NBEAL1: variants seen among roughly 807,000 people sequenced by gnomAD.
NBEAL1 encodes neurobeachin-like protein 1.
In NBEAL1, 273 loss-of-function variants were observed where a neutral mutation model predicts 351.3. The ratio of observed to expected loss-of-function variants is 0.78; its 90% CI spans 0.70 to 0.86. The LOEUF (loss-of-function observed/expected upper bound fraction) is 0.86, where lower values mean the gene tolerates loss of function less well. NBEAL1 is among the 40% of genes least tolerant of loss of function. The pLI is 0.00. For synonymous variants in NBEAL1, 1,050 were observed against 1,086.4 expected (o/e 0.97, Z 0.66); for missense variants, 2,961 against 3,201.3 (o/e 0.92, Z 1.81).
intron 51 of NBEAL1, among the ~76,000 whole-genome samples, chr2:203,206,680 C>T (rs573954931): frequency 1.6e-4 from 25 of 152,066 alleles, no homozygotes; most frequent in African/African-American, 5.1e-4. Context: ...CTCGGCCTCC[C>T]GAGGTGCCGG....
chr2:203,175,163 G>GT lies in NBEAL1; in HGVS notation c.6340_6341insT (p.Asp2114ValfsTer7). The GT allele has an allele frequency of 6.2e-7, 1 of 1,607,944 alleles. No individual in the cohort carries two copies. Among genetic ancestry groups the GT allele is most frequent in the Non-Finnish European group, 8.5e-7 (1 of 1,177,772 alleles). ...TCCCCACAGATATGAAAATTTTGAG[G>GT]ATCCTATGGGAACTATTGATAAGTT... On this transcript the variant is annotated frameshift_variant, in exon 42 of 56. Transcript: ENST00000683969. LOFTEE classifies it high-confidence loss of function.
chr2:203,177,885 C>G (rs202141135), intron 42 of NBEAL1, among the ~76,000 whole-genome samples: 1 of 151,510 alleles, frequency 6.6e-6, no homozygotes, highest in Non-Finnish European at 1.5e-5. Context: ...TGGGCGTGGT[C>G]GTGGGTGCCT....
chr2:203,016,326 C>T lies in NBEAL1; in HGVS notation c.-59C>T. 4 of 1,199,320 alleles carry T rather than the reference C, an allele frequency of 3.3e-6. No homozygotes were observed. The highest frequency in any genetic ancestry group is 4.6e-6 in the Non-Finnish European group (4 of 863,352). The allele number at this position is 1,199,320 out of a possible 1,614,324, so 74.3% of individuals were successfully genotyped here. ...AAACTTGGAAAATAAAATGGACATG[C>T]TGTAGTCTTGAACATAATTTTTTTA... On this transcript the variant is annotated 5_prime_UTR_variant, in exon 2 of 56. Coordinates refer to ENST00000683969, the MANE Select transcript of NBEAL1 (RefSeq NM_001378026.1).
chr2:203,160,360 C>T (rs376938732), intron 36 of NBEAL1, among the ~76,000 whole-genome samples: 12 of 152,268 alleles, frequency 7.9e-5, no homozygotes, highest in African/African-American at 2.6e-4. Context: ...GGATTACAGG[C>T]GTGAGCCACC....
chr2:203,197,744 C>A (rs1343992938), intron 48 of NBEAL1, among the ~76,000 whole-genome samples: 1 of 151,978 alleles, frequency 6.6e-6, no homozygotes, highest in Non-Finnish European at 1.5e-5. Context: ...CCTGTCTCTA[C>A]TAAAAATACA....
In NBEAL1 at chr2:203,220,762, A is replaced by G. The variant is rs952538235; in HGVS notation, c.*3408A>G. Among the ~76,000 whole-genome samples, 4 of 152,232 alleles carry G rather than the reference A, an allele frequency of 2.6e-5. No homozygotes were observed. Among genetic ancestry groups the G allele is most frequent in the African/African-American group, 9.6e-5 (4 of 41,474 alleles). On this transcript the variant is annotated 3_prime_UTR_variant, in exon 56 of 56. Transcript: ENST00000683969. ...AATTGTAAGAGAGAAAGAAAAATAG[A>G]TCAGGGCATAAAAATCAGGAAAGTA... is the stretch of plus-strand genomic sequence containing the variant.
At chr2:203,051,263 G>T (rs2061318964) in intron 4 of NBEAL1, among the ~76,000 whole-genome samples, 1 of 152,154 alleles carries the variant, frequency 6.6e-6, no homozygotes, top group Non-Finnish European at 1.5e-5. Context: ...GAAGTATGCA[G>T]CCAGGTACAG....
chr2:203,043,740 A>T (rs2061182315), intron 3 of NBEAL1, among the ~76,000 whole-genome samples: 1 of 151,938 alleles, frequency 6.6e-6, no homozygotes, highest in Admixed American at 6.6e-5. Context: ...AAAAAAAAAA[A>T]AAAAAGTGTG....
At chr2:203,069,597 C>G (rs760359378) in intron 7 of NBEAL1, among the ~76,000 whole-genome samples, 1 of 152,100 alleles carries the variant, frequency 6.6e-6, no homozygotes, top group East Asian at 1.9e-4. Flanking sequence ...TTAGGTTGTG[C>G]GCATATTTTG....
intron 33 of NBEAL1, among the ~76,000 whole-genome samples, chr2:203,147,031 C>G (rs1420029812): frequency 6.6e-6 from 1 of 152,024 alleles, no homozygotes; most frequent in East Asian, 1.9e-4. Flanking sequence ...AATACTTAAA[C>G]CTTTACAAAA....
rs1377593699 is a variant in NBEAL1, at chr2:203,218,970, A to T, written c.*1616A>T. On this transcript the variant is annotated 3_prime_UTR_variant, in exon 56 of 56. Transcript: ENST00000683969. Reference sequence around the variant, plus strand: ...TAAAATAGAACATATTTAAATGTCAAGGTGTCTTTTCTTAAGACTTCAGGA... The same window carrying T: ...TAAAATAGAACATATTTAAATGTCATGGTGTCTTTTCTTAAGACTTCAGGA... The T allele has an allele frequency of 6.6e-6, 1 of 152,178 alleles. No individual in the cohort carries two copies. The allele number at this position is 152,178 out of a possible 1,614,324, so 9.4% of individuals were successfully genotyped here.
chr2:203,153,968 G>T (rs1057045661), intron 35 of NBEAL1, among the ~76,000 whole-genome samples: 1 of 151,656 alleles, frequency 6.6e-6, no homozygotes, highest in Admixed American at 6.6e-5. Flanking sequence ...CAAGTGAGCC[G>T]GGCGTGGTGG....
chr2:203,208,831 C>T, intron 52 of NBEAL1, 78 bp downstream of exon 52: 1 of 1,054,720 alleles, frequency 9.5e-7, no homozygotes, highest in Non-Finnish European at 1.4e-6. Context: ...AAAAGTTTTT[C>T]AGAGGAATTG....
chr2:203,203,139 G>T (rs1373996974), intron 51 of NBEAL1, among the ~76,000 whole-genome samples: 3 of 151,626 alleles, frequency 2.0e-5, no homozygotes, highest in African/African-American at 7.3e-5. Flanking sequence ...TAATAATATT[G>T]GTCCAGGAAG....
At chr2:203,024,484 C>T (rs547487957) in intron 2 of NBEAL1, among the ~76,000 whole-genome samples, 2 of 149,710 alleles carry the variant, frequency 1.3e-5, no homozygotes, top group South Asian at 4.2e-4. Flanking sequence ...TCCAAGAGGC[C>T]GGGGTTGCAG....
intron 4 of NBEAL1, among the ~76,000 whole-genome samples, chr2:203,051,912 T>G (rs1490016441): frequency 6.6e-6 from 1 of 152,204 alleles, no homozygotes; most frequent in African/African-American, 2.4e-5. Flanking sequence ...TGTTTTTATA[T>G]AAATCTAGAA....
At chr2:203,030,742 A>G (rs2060937192) in intron 2 of NBEAL1, among the ~76,000 whole-genome samples, 1 of 152,206 alleles carries the variant, frequency 6.6e-6, no homozygotes, top group South Asian at 2.1e-4. Flanking sequence ...TATAAAATAA[A>G]TATACCAGGT....
rs1054606505 is a variant in NBEAL1, at chr2:203,084,366, T to A, written c.992-97T>A. 8 of 544,384 alleles carry A rather than the reference T, an allele frequency of 1.5e-5. No individual in the cohort carries two copies. The African/African-American group carries it at 1.6e-4, about 11-fold the overall frequency. The allele number at this position is 544,384 out of a possible 1,614,324, so 33.7% of individuals were successfully genotyped here. On this transcript the variant is annotated intron_variant, in intron 9 of 55. Coordinates refer to ENST00000683969, the MANE Select transcript of NBEAL1 (RefSeq NM_001378026.1). ...ATTTTAAAAATACTGAACATCAAAG[T>A]TGTTTTAAAAATTAAAAAGAAAAAT... is the stretch of plus-strand genomic sequence containing the variant.
chr2:203,110,842 T>C (rs1437700143), intron 15 of NBEAL1, among the ~76,000 whole-genome samples: 1 of 141,240 alleles, frequency 7.1e-6, no homozygotes, highest in Non-Finnish European at 1.5e-5. Context: ...CTTAACTCAC[T>C]GCAACCTCTG....
Sources: allele counts gnomAD v4.1 joint callset (sites outside exome capture counted in the v4.1 genomes callset), GRCh38; gene constraint gnomAD v4.1.1; transcripts MANE v1.5; gene names NCBI Gene and HGNC (gene_info 2026-07-23, HGNC 2026-07-21).